The following RASAL2 variants were observed in gnomAD, a reference collection of about 807,000 sequenced individuals.
RASAL2 encodes the protein ras GTPase-activating protein nGAP.
RASAL2 carries 58 observed loss-of-function variants against 128.9 expected under a neutral mutation model. The observed-to-expected ratio is 0.45, with a 90% CI of 0.36 to 0.56. The LOEUF (loss-of-function observed/expected upper bound fraction) is 0.56, where lower values mean the gene tolerates loss of function less well. Among genes scored for constraint, RASAL2 ranks in the 20% least tolerant of loss-of-function variants. RASAL2 has a pLI of 0.00. For missense variants in RASAL2, 1,360 were observed against 1,601.6 expected (o/e 0.85, Z 2.57); for synonymous variants, 561 against 580.8 (o/e 0.97, Z 0.49).
intron 4 of RASAL2, among the ~76,000 whole-genome samples, chr1:178,413,352 T>C (rs1674538733): frequency 6.6e-6 from 1 of 152,150 alleles, no homozygotes; most frequent in Non-Finnish European, 1.5e-5. Context: ...TCCAGCACTC[T>C]CTAGCCATCC....
rs1420915284 is a variant in RASAL2 at position 178,211,201 on chromosome 1, A to C, written c.203-72363A>C. Among the ~76,000 whole-genome samples the C allele has an allele frequency of 1.3e-5, 2 of 152,126 alleles. 1 individual carries two copies. Among genetic ancestry groups the C allele is most frequent in the East Asian group, 3.9e-4 (2 of 5,180 alleles). ...CTCCAGATTGTTGACTCAACCAAGA[A>C]CTTCTTCACCATCTGGTTAGTTGTT... is the stretch of plus-strand genomic sequence containing the variant. On this transcript the variant is annotated intron_variant, in intron 1 of 17. Coordinates refer to ENST00000367649, the MANE Select transcript of RASAL2 (RefSeq NM_170692.4).
intron 3 of RASAL2, among the ~76,000 whole-genome samples, chr1:178,329,736 G>T (rs1399437956): frequency 6.6e-6 from 1 of 151,026 alleles, no homozygotes; most frequent in Non-Finnish European, 1.5e-5. Flanking sequence ...GACCCAGACT[G>T]AAGTTCCAGC....
chr1:178,344,676 G>A (rs753015765), intron 3 of RASAL2, among the ~76,000 whole-genome samples: 2 of 152,208 alleles, frequency 1.3e-5, no homozygotes, highest in Non-Finnish European at 2.9e-5. Context: ...TATATCAGTT[G>A]TAGTGAGAAG....
chr1:178,277,221 G>A (rs1666563544), intron 1 of RASAL2, among the ~76,000 whole-genome samples: 1 of 150,294 alleles, frequency 6.7e-6, no homozygotes, highest in South Asian at 2.1e-4. Context: ...ATGAATGCCT[G>A]TTAAAACTGT....
chr1:178,307,498 A>G (rs1342441377), intron 3 of RASAL2, among the ~76,000 whole-genome samples: 1 of 152,220 alleles, frequency 6.6e-6, no homozygotes, highest in African/African-American at 2.4e-5. Context: ...GGTTCTTTGT[A>G]TACAAATAAT....
intron 10 of RASAL2, among the ~76,000 whole-genome samples, chr1:178,452,019 T>C (rs539455806): frequency 6.6e-6 from 1 of 152,320 alleles, no homozygotes; most frequent in East Asian, 1.9e-4. Context: ...TTACTAGTGT[T>C]GAACAGATGT....
intron 1 of RASAL2, among the ~76,000 whole-genome samples, chr1:178,141,459 T>C (rs1660530169): frequency 6.6e-6 from 1 of 152,104 alleles, no homozygotes; most frequent in South Asian, 2.1e-4. Context: ...ACAAAAGTCC[T>C]GTGTTTAAAG....
At chr1:178,322,211 C>T (rs1171473375) in intron 3 of RASAL2, among the ~76,000 whole-genome samples, 1 of 152,116 alleles carries the variant, frequency 6.6e-6, no homozygotes, top group Non-Finnish European at 1.5e-5. Context: ...TAAAGCTTCT[C>T]TTTCTTGACT....
chr1:178,163,164 C>A (rs1381662020), intron 1 of RASAL2, among the ~76,000 whole-genome samples: 1 of 150,750 alleles, frequency 6.6e-6, no homozygotes, highest in Non-Finnish European at 1.5e-5. Flanking sequence ...GATGGGGTTT[C>A]ACCATGTTGG....
At chr1:178,131,375 C>CTTTTTTTTT (rs71108028) in intron 1 of RASAL2, among the ~76,000 whole-genome samples, 6 of 82,606 alleles carry the variant, frequency 7.3e-5, no homozygotes, top group Non-Finnish European at 1.1e-4. Flanking sequence ...CCTGGATAAT[C>CTTTTTTTTT]TTTTTTTTTT....
intron 9 of RASAL2, 66 bp downstream of exon 9, chr1:178,445,728 T>C (rs1215984632): frequency 6.9e-7 from 1 of 1,452,010 alleles, no homozygotes; most frequent in Non-Finnish European, 9.2e-7. Context: ...TTCACCCCCA[T>C]GAGACGAATT....
At chr1:178,398,646 T>C (rs139462828) in intron 4 of RASAL2, among the ~76,000 whole-genome samples, 4 of 152,332 alleles carry the variant, frequency 2.6e-5, no homozygotes, top group African/African-American at 9.6e-5. Flanking sequence ...TGATGTCTCA[T>C]AGTAATTTAA....
At chr1:178,251,892 T>C (rs73033478) in intron 1 of RASAL2, among the ~76,000 whole-genome samples, 2,050 of 152,322 alleles carry the variant, frequency 0.013, 48 homozygotes, top group African/African-American at 0.046. Context: ...TATGTAAATT[T>C]TAACTATTTT....
At chr1:178,144,463 T>C (rs1394277146) in intron 1 of RASAL2, among the ~76,000 whole-genome samples, 2 of 152,258 alleles carry the variant, frequency 1.3e-5, no homozygotes, top group African/African-American at 2.4e-5. Flanking sequence ...TCCTCCACTT[T>C]GAAAGCTTTA....
At chr1:178,381,675 C>CT (rs1294539879) in intron 3 of RASAL2, among the ~76,000 whole-genome samples, 2 of 151,456 alleles carry the variant, frequency 1.3e-5, no homozygotes, top group Non-Finnish European at 2.9e-5. Flanking sequence ...AAGACTAAAT[C>CT]TTTTTTTTAA....
chr1:178,351,747 A>AT, intron 3 of RASAL2, among the ~76,000 whole-genome samples: 1 of 151,932 alleles, frequency 6.6e-6, no homozygotes, highest in African/African-American at 2.4e-5. Context: ...AAAAAAAAAA[A>AT]AAGTGTAGGC....
intron 4 of RASAL2, among the ~76,000 whole-genome samples, chr1:178,416,681 T>G (rs1674779421): frequency 6.6e-6 from 1 of 152,090 alleles, no homozygotes; most frequent in South Asian, 2.1e-4. Flanking sequence ...TTTTCATGTA[T>G]GTGAGAAAGC....
intron 1 of RASAL2, among the ~76,000 whole-genome samples, chr1:178,278,018 G>A (rs1179439763): frequency 6.6e-6 from 1 of 152,200 alleles, no homozygotes; most frequent in Non-Finnish European, 1.5e-5. Flanking sequence ...AAGGAGCATG[G>A]TCACAAAGGG....
intron 1 of RASAL2, among the ~76,000 whole-genome samples, chr1:178,257,423 A>ATGTGTGTGTGTG (rs71108037): frequency 0.044 from 6,542 of 147,136 alleles, 145 homozygotes; most frequent in Middle Eastern, 0.093. Context: ...GCTCAGGGAT[A>ATGTGTGTGTGTG]TGTGTGTGTG....
Sources: gnomAD v4.1 joint callset for allele counts (sites outside exome capture counted in the v4.1 genomes callset) on GRCh38, gnomAD v4.1.1 for gene constraint, MANE v1.5 for transcripts, NCBI Gene and HGNC (gene_info 2026-07-23, HGNC 2026-07-21) for gene names.